Variants in PDXDC1 observed in about 807,000 individuals in gnomAD.
PDXDC1 encodes pyridoxal dependent decarboxylase domain containing 1.
A neutral mutation model predicts 100.1 loss-of-function variants in PDXDC1; 42 were observed. That is an observed-to-expected ratio of 0.42 (90% CI 0.33 to 0.54). PDXDC1 has a LOEUF of 0.54. Ranked by LOEUF, PDXDC1 falls within the 20% of genes least tolerant of loss-of-function variation. PDXDC1 has a pLI of 0.10. For missense variants in PDXDC1, 636 were observed against 979.2 expected, an observed-to-expected ratio of 0.65 and a Z score of 4.68; for synonymous variants, 260 against 371.7, an observed-to-expected ratio of 0.70 and a Z score of 3.46.
chr16:15,098,651 G>A (rs1265460767), intron 16 of PDXDC1, among the ~76,000 whole-genome samples: 1 of 151,988 alleles, frequency 6.6e-6, no homozygotes, highest in Admixed American at 6.5e-5. Flanking sequence ...GGCCAAGGTG[G>A]GTGGATCACC....
At chr16:15,147,005 C>T in the PDXDC1 span, among the ~76,000 whole-genome samples, 1 of 152,158 alleles carries the variant, frequency 6.6e-6, no homozygotes, top group Admixed American at 6.5e-5. Flanking sequence ...AAATTCCCTA[C>T]ATCTGGGTTC....
At chr16:15,080,952 G>C (rs576356140) in intron 16 of PDXDC1, among the ~76,000 whole-genome samples, 1 of 151,480 alleles carries the variant, frequency 6.6e-6, no homozygotes. Flanking sequence ...ATGTTTTTAG[G>C]GTTCAATCAT....
chr16:15,136,532 C>G (rs2151929382), intron 16 of PDXDC1: 2 of 780,176 alleles, frequency 2.6e-6, no homozygotes, highest in Non-Finnish European at 4.2e-6. Context: ...AGAGATCTCC[C>G]AACCTATGGC....
At chr16:15,029,047 C>CAG in intron 15 of PDXDC1, 81 bp downstream of exon 15, 1 of 1,480,678 alleles carries the variant, frequency 6.8e-7, no homozygotes. Context: ...GACGCGTGCT[C>CAG]GTGTATGGGA....
chr16:15,136,518 C>T (rs2048350316), intron 16 of PDXDC1: 1 of 784,032 alleles, frequency 1.3e-6, no homozygotes, highest in Non-Finnish European at 2.1e-6. Flanking sequence ...TGCCCCACTG[C>T]TTCAGAGATC....
intron 1 of PDXDC1, among the ~76,000 whole-genome samples, chr16:14,981,476 C>CT (rs1161098796): frequency 6.6e-6 from 1 of 152,304 alleles, no homozygotes; most frequent in Non-Finnish European, 1.5e-5. Flanking sequence ...ACAGTATCTG[C>CT]TTCTGTTTAG....
chr16:15,129,820 G>C (rs981214737), intron 16 of PDXDC1: 3 of 748,190 alleles, frequency 4.0e-6, no homozygotes, highest in South Asian at 1.5e-5. Context: ...CACTCCCAGA[G>C]GGTGCAACCA....
Position 15,038,013 on chromosome 16 carries a change from T to C in PDXDC1, c.*1738T>C, listed in dbSNP as rs1309625587. The C allele has an allele frequency of 2.1e-5, 34 of 1,600,742 alleles. No homozygotes were observed. Among genetic ancestry groups the C allele is most frequent in the Non-Finnish European group, 2.7e-5 (32 of 1,171,658 alleles). ...TCTGTCAGGCCAAGAAGGTGCTTTC[T>C]TTGGTAATTCATGTTTTTTAACTTC... On this transcript the variant is annotated 3_prime_UTR_variant, in exon 23 of 23. Transcript: ENST00000396410.
intron 6 of PDXDC1, among the ~76,000 whole-genome samples, chr16:15,007,395 C>T (rs1473411308): frequency 2.6e-5 from 4 of 151,882 alleles, no homozygotes; most frequent in Non-Finnish European, 5.9e-5. Context: ...AGGATGGTGT[C>T]GATCTCCTGG....
At chr16:14,988,921 C>T in intron 1 of PDXDC1, 2 of 1,613,450 alleles carry the variant, frequency 1.2e-6, no homozygotes, top group African/African-American at 1.3e-5. Flanking sequence ...GACAGCAGCC[C>T]CGGCCACAGG....
rs192564618 is a variant in PDXDC1, at chr16:15,126,032, C to A, written c.1400-12847C>A. 2,059 of 586,756 alleles carry A rather than the reference C, an allele frequency of 3.5e-3. 36 individuals are homozygous for A. The highest frequency in any genetic ancestry group is 0.03 in the African/African-American group (1,602 of 52,882). 36.3% of individuals were successfully genotyped at this position (586,756 alleles called of 1,614,324 possible). On this transcript the variant is annotated intron_variant, in intron 16 of 16. Coordinates refer to the PDXDC1 transcript ENST00000535621. Reference sequence around the variant, plus strand: ...TGGTGCAGCTAAGGAACAGAGTTTTCAATTTCATTTTTTTTTTTCTTAGAT... The same window carrying A: ...TGGTGCAGCTAAGGAACAGAGTTTTAAATTTCATTTTTTTTTTTCTTAGAT...
At chr16:15,061,404 A>G (rs2044705281) in intron 16 of PDXDC1, 1 of 266,212 alleles carries the variant, frequency 3.8e-6, no homozygotes, top group African/African-American at 2.2e-5. Flanking sequence ...CCCGTAAAAC[A>G]GTCTGCTGCC....
intron 16 of PDXDC1, chr16:15,060,972 C>G (rs1436335557): frequency 6.6e-6 from 1 of 152,232 alleles, no homozygotes; most frequent in African/African-American, 2.4e-5. Flanking sequence ...TACACAAGCC[C>G]GAACTCACTT....
chr16:15,080,247 A>C, intron 16 of PDXDC1: 3 of 1,105,742 alleles, frequency 2.7e-6, no homozygotes, highest in Non-Finnish European at 2.5e-6. Context: ...TACTGTTTCT[A>C]CATGTATTAT....
At chr16:15,032,534 G>T (rs1597676797) in intron 17 of PDXDC1, 1 of 219,838 alleles carries the variant, frequency 4.5e-6, no homozygotes, top group South Asian at 8.1e-5. Flanking sequence ...CACACCTGTA[G>T]TCCCAGCTAC....
chr16:14,987,817 G>C (rs1448415401), intron 1 of PDXDC1, among the ~76,000 whole-genome samples: 2 of 152,266 alleles, frequency 1.3e-5, no homozygotes, highest in Non-Finnish European at 2.9e-5. Flanking sequence ...TTGCTATGTT[G>C]GCCAGGCTGG....
In PDXDC1 at chr16:15,034,337, G is replaced by C; in HGVS notation, c.1864G>C (p.Val622Leu). 6.2e-7 allele frequency: 1 copy of C among 1,613,530 alleles called. No individual in the cohort carries two copies. The highest frequency in any genetic ancestry group is 8.5e-7 in the Non-Finnish European group (1 of 1,179,994). Residue 622 changes from valine (V) to leucine (L), a missense_variant, in exon 20 of 23, where the codon GTG becomes CTG. Transcript: ENST00000396410. ...TCGGAAAGGCATTCAGGAAGCTCAA[G>C]TGGAGCTGCAGAAGGCAAGTGAAGA... ...VVRKGIQEAQVELQKASEERL... is the reference protein window; with the variant it reads ...VVRKGIQEAQLELQKASEERL...
At chr16:15,049,363 T>G (rs1428779883) in intron 16 of PDXDC1, among the ~76,000 whole-genome samples, 2 of 152,090 alleles carry the variant, frequency 1.3e-5, no homozygotes, top group Admixed American at 1.3e-4. Flanking sequence ...ACCTAGTAAT[T>G]TCACTTCTGG....
At chr16:15,104,989 G>A (rs945275984) in intron 16 of PDXDC1, among the ~76,000 whole-genome samples, 3 of 151,356 alleles carry the variant, frequency 2.0e-5, no homozygotes, top group African/African-American at 4.9e-5. Flanking sequence ...ACATGCCACT[G>A]TGTCTGTCTG....
Sources: gnomAD v4.1 joint callset for allele counts (sites outside exome capture counted in the v4.1 genomes callset) on GRCh38, gnomAD v4.1.1 for gene constraint, MANE v1.5 for transcripts, NCBI Gene and HGNC (gene_info 2026-07-23, HGNC 2026-07-21) for gene names.